The following MAGI1 variants were observed in gnomAD, a reference collection of about 807,000 sequenced individuals.
MAGI1 encodes membrane-associated guanylate kinase, WW and PDZ domain-containing protein 1.
Under a neutral mutation model 139.9 loss-of-function variants are expected in MAGI1, and 58 were observed. The ratio of observed to expected loss-of-function variants is 0.41; its 90% confidence interval spans 0.34 to 0.52. The LOEUF is 0.52. Among genes scored for constraint, MAGI1 ranks in the 20% least tolerant of loss-of-function variants. The pLI, the probability that MAGI1 is intolerant of heterozygous loss-of-function variation, is 0.12. For missense variants in MAGI1, 1,874 were observed against 1,901.6 expected (o/e 0.99, Z 0.27); for synonymous variants, 812 against 737.9 (o/e 1.10, Z -1.63).
intron 1 of MAGI1, among the ~76,000 whole-genome samples, chr3:65,961,137 G>A (rs1401433271): frequency 6.6e-6 from 1 of 152,166 alleles, no homozygotes; most frequent in African/African-American, 2.4e-5. Flanking sequence ...AAGGCAGAAG[G>A]GGGCATTCCT....
At chr3:65,410,412 T>C (rs1406945866) in intron 12 of MAGI1, among the ~76,000 whole-genome samples, 1 of 152,322 alleles carries the variant, frequency 6.6e-6, no homozygotes, top group East Asian at 1.9e-4. Context: ...GTCAGGTGAA[T>C]AGCTGGGGAT....
At chr3:65,875,953 T>C (rs1378044672) in intron 1 of MAGI1, among the ~76,000 whole-genome samples, 4 of 152,024 alleles carry the variant, frequency 2.6e-5, no homozygotes, top group Admixed American at 2.0e-4. Flanking sequence ...TTAAAGCAAG[T>C]GGACAGAAAA....
intron 5 of MAGI1, among the ~76,000 whole-genome samples, chr3:65,453,650 G>C (rs1026727810): frequency 6.6e-5 from 10 of 152,040 alleles, no homozygotes; most frequent in African/African-American, 2.2e-4. Context: ...ATCTACCCTT[G>C]TCTAGATTAT....
At chr3:65,679,752 G>A (rs1000406091) in intron 1 of MAGI1, among the ~76,000 whole-genome samples, 7 of 152,126 alleles carry the variant, frequency 4.6e-5, no homozygotes, top group Non-Finnish European at 8.8e-5. Flanking sequence ...CAACAGGGGT[G>A]GGGGGAAATG....
intron 1 of MAGI1, among the ~76,000 whole-genome samples, chr3:65,702,407 G>A (rs1029462155): frequency 8.5e-5 from 13 of 152,094 alleles, no homozygotes; most frequent in Admixed American, 1.3e-4. Context: ...CCATGTGCAG[G>A]CTACCCCAGG....
chr3:66,019,504 T>G (rs1366134376), intron 1 of MAGI1, among the ~76,000 whole-genome samples: 1 of 152,242 alleles, frequency 6.6e-6, no homozygotes, highest in Non-Finnish European at 1.5e-5. Flanking sequence ...AGAACCAGAT[T>G]AGAATTGCAG....
At chr3:65,584,809 C>T (rs1180425030) in intron 2 of MAGI1, among the ~76,000 whole-genome samples, 1 of 152,180 alleles carries the variant, frequency 6.6e-6, no homozygotes, top group African/African-American at 2.4e-5. Flanking sequence ...TATAACAGTA[C>T]TCATTTTTAT....
chr3:65,469,874 AG>A (rs1345640053), intron 5 of MAGI1: 2 of 149,072 alleles, frequency 1.3e-5, no homozygotes, highest in African/African-American at 4.9e-5. Context: ...AGTTCAATTA[AG>A]AAAAAAAAGC....
At chr3:65,746,259 C>T (rs1472922242) in intron 1 of MAGI1, among the ~76,000 whole-genome samples, 1 of 152,160 alleles carries the variant, frequency 6.6e-6, no homozygotes, top group Non-Finnish European at 1.5e-5. Flanking sequence ...TGGTCTCAAA[C>T]TCCTGACCTT....
intron 2 of MAGI1, among the ~76,000 whole-genome samples, chr3:65,621,274 T>C (rs1223696896): frequency 6.6e-6 from 1 of 152,230 alleles, no homozygotes; most frequent in Non-Finnish European, 1.5e-5. Flanking sequence ...ACAGTGATAC[T>C]TCACTACAAC....
chr3:65,869,293 TATA>T (rs201949606), intron 1 of MAGI1, among the ~76,000 whole-genome samples: 1,866 of 150,540 alleles, frequency 0.012, 61 homozygotes, highest in African/African-American at 0.044. Context: ...TGATTATGTT[TATA>T]ATGTGTCATC....
intron 1 of MAGI1, among the ~76,000 whole-genome samples, chr3:65,824,671 C>T (rs1450019945): frequency 6.6e-6 from 1 of 152,174 alleles, no homozygotes; most frequent in African/African-American, 2.4e-5. Flanking sequence ...GCCCTCCATT[C>T]CCTCCTTAAG....
At chr3:65,515,189 T>G (rs1229267328) in intron 2 of MAGI1, among the ~76,000 whole-genome samples, 1 of 140,380 alleles carries the variant, frequency 7.1e-6, no homozygotes, top group Middle Eastern at 3.7e-3. Context: ...GGGATAGCAT[T>G]GGGAGATATA....
chr3:65,528,699 C>T lies in MAGI1; in HGVS notation c.431-35068G>A, dbSNP rs149126305. Among the ~76,000 whole-genome samples, 16 of 152,240 alleles carry T rather than the reference C, an allele frequency of 1.1e-4. No individual in the cohort carries two copies. In the East Asian group the frequency reaches 3.1e-3, roughly 29 times the overall value. ...GCAAATGTCAACTCCCAATATTTCC[C>T]CTCTTCTCAAGGTAAAAACTGGCCC... On this transcript the variant is annotated intron_variant, in intron 2 of 22. Coordinates refer to ENST00000402939, the MANE Select transcript of MAGI1 (RefSeq NM_001033057.2).
chr3:65,787,082 T>C (rs1364831670), intron 1 of MAGI1, among the ~76,000 whole-genome samples: 1 of 152,124 alleles, frequency 6.6e-6, no homozygotes, highest in Non-Finnish European at 1.5e-5. Context: ...GGGTCTGACA[T>C]CAGACTAATT....
chr3:65,424,843 A>G (rs938704030), intron 12 of MAGI1, among the ~76,000 whole-genome samples: 4 of 151,988 alleles, frequency 2.6e-5, no homozygotes, highest in African/African-American at 9.7e-5. Context: ...ATTTTTTGCA[A>G]CTCTGGTTGT....
chr3:65,592,843 A>G (rs929754700), intron 2 of MAGI1, among the ~76,000 whole-genome samples: 1 of 152,162 alleles, frequency 6.6e-6, no homozygotes, highest in Admixed American at 6.5e-5. Flanking sequence ...CCCATAGTGG[A>G]AAGATCTCAT....
At chr3:65,378,962 G>A (rs1317595329) in intron 17 of MAGI1, among the ~76,000 whole-genome samples, 2 of 152,154 alleles carry the variant, frequency 1.3e-5, no homozygotes, top group Non-Finnish European at 2.9e-5. Flanking sequence ...GATTACAGGC[G>A]TGAGCAACAG....
rs899900996 is a variant in MAGI1 at position 65,690,994 on chromosome 3, A to G, written c.314-68906T>C. On this transcript the variant is annotated intron_variant, in intron 1 of 22. Transcript: ENST00000402939. ...CCATCCTGAGAGTATTTCTTAGGAC[A>G]CTGGTGCCTTAAGAAAAAAGAGGTT... 2.0e-5 allele frequency among the ~76,000 whole-genome samples: 3 copies of G among 152,150 alleles called. No individual in the cohort carries two copies. In the East Asian group the frequency reaches 5.8e-4, roughly 30 times the overall value.
Sources: allele counts gnomAD v4.1 joint callset (sites outside exome capture counted in the v4.1 genomes callset), GRCh38; gene constraint gnomAD v4.1.1; transcripts MANE v1.5; gene names NCBI Gene and HGNC (gene_info 2026-07-23, HGNC 2026-07-21).